Variants in DROSHA observed in about 807,000 individuals in gnomAD.
DROSHA encodes drosha ribonuclease III.
Under a neutral mutation model 181.9 loss-of-function variants are expected in DROSHA, and 56 were observed. The observed-to-expected ratio is 0.31, with a 90% CI of 0.25 to 0.38. The LOEUF is 0.38. Among genes scored for constraint, DROSHA ranks in the 10% least tolerant of loss-of-function variants. The pLI is 1.00. For synonymous variants in DROSHA, 524 were observed against 591.2 expected (o/e 0.89, Z 1.65); for missense variants, 1,218 against 1,743.5 (o/e 0.70, Z 5.37).
intron 16 of DROSHA, among the ~76,000 whole-genome samples, chr5:31,473,261 G>A (rs1165294395): frequency 2.0e-5 from 3 of 152,194 alleles, no homozygotes; most frequent in Non-Finnish European, 4.4e-5. Flanking sequence ...TTTGAGTCTG[G>A]TGCACTAAAC....
chr5:31,511,696 T>TC (rs1738695769), intron 8 of DROSHA, among the ~76,000 whole-genome samples: 1 of 117,830 alleles, frequency 8.5e-6, no homozygotes, highest in East Asian at 2.1e-4. Flanking sequence ...AGAGACCTCA[T>TC]CTAAAAAAAA....
intron 20 of DROSHA, among the ~76,000 whole-genome samples, chr5:31,462,286 CCATT>C (rs1475660264): frequency 6.6e-6 from 1 of 152,122 alleles, no homozygotes; most frequent in Non-Finnish European, 1.5e-5. Context: ...AAAAAGACTT[CCATT>C]CAGAGGACCA....
intron 23 of DROSHA, among the ~76,000 whole-genome samples, chr5:31,447,487 G>A (rs925874696): frequency 1.3e-4 from 20 of 152,090 alleles, no homozygotes; most frequent in Admixed American, 3.9e-4. Flanking sequence ...CCAAAAATTC[G>A]TGTGGAAATG....
At chr5:31,459,395 C>T (rs1748092320) in intron 20 of DROSHA, among the ~76,000 whole-genome samples, 2 of 129,378 alleles carry the variant, frequency 1.5e-5, no homozygotes, top group African/African-American at 3.0e-5. Flanking sequence ...CTGGGCAACA[C>T]AGCAAGACTC....
chr5:31,527,907 T>C (rs781018472), intron 4 of DROSHA, among the ~76,000 whole-genome samples: 3 of 152,246 alleles, frequency 2.0e-5, no homozygotes, highest in Non-Finnish European at 4.4e-5. Flanking sequence ...ATAAGTGACA[T>C]GATCAGTGCC....
At chr5:31,494,944 T>G (rs907778036) in intron 12 of DROSHA, among the ~76,000 whole-genome samples, 95 of 152,204 alleles carry the variant, frequency 6.2e-4, no homozygotes, top group Admixed American at 9.2e-4. Context: ...AAAGTGCTGG[T>G]ATTACAGGCG....
rs1740856399 is a variant in DROSHA at position 31,528,499 on chromosome 5, AG to A, written c.20+540del. ...TTGTCCTCCCTCACCCCCCATCCTTAGCTAAAAATTTACTTTAAAATTGCTG... is the reference window on the plus strand; with the variant it reads ...TTGTCCTCCCTCACCCCCCATCCTTACTAAAAATTTACTTTAAAATTGCTG... On this transcript the variant is annotated intron_variant, in intron 4 of 35. Coordinates refer to ENST00000344624, the MANE Select transcript of DROSHA (RefSeq NM_001382508.1). 2.0e-5 allele frequency among the ~76,000 whole-genome samples: 3 copies of A among 152,276 alleles called. No homozygotes were observed. The South Asian group carries it at 6.2e-4, about 32-fold the overall frequency.
At chr5:31,487,598 T>C (rs547757902) in intron 13 of DROSHA, among the ~76,000 whole-genome samples, 2 of 152,318 alleles carry the variant, frequency 1.3e-5, no homozygotes, top group East Asian at 3.9e-4. Flanking sequence ...GATGATTTTA[T>C]ACAGATGTAA....
At chr5:31,482,521 T>C (rs992068151) in intron 16 of DROSHA, among the ~76,000 whole-genome samples, 1 of 152,072 alleles carries the variant, frequency 6.6e-6, no homozygotes, top group Non-Finnish European at 1.5e-5. Context: ...TTAATGTAGG[T>C]TGGTGGCATG....
At chr5:31,404,377 G>A (rs948740294) in intron 35 of DROSHA, among the ~76,000 whole-genome samples, 22 of 152,118 alleles carry the variant, frequency 1.4e-4, no homozygotes, top group Non-Finnish European at 1.5e-4. Context: ...AAGAATCCAT[G>A]GATGCTGGAC....
At position 31,526,608 on chromosome 5, in the gene DROSHA, G is replaced by A. The variant is rs1286197274; in HGVS notation, c.325C>T (p.His109Tyr). Residue 109 changes from histidine to tyrosine, a missense_variant, in exon 5 of 36, where the codon CAC becomes TAC. Transcript: ENST00000344624. ...AAACAAGGAGGAACTGGGAAGGGGT[G>A]CCTCATCTGGTGGTTGGGGAAAGGC... ...RPPFPNHQMR[H>Y]PFPVPPCFPP... 1 of 1,520,204 alleles carries A rather than the reference G, an allele frequency of 6.6e-7. No individual in the cohort carries two copies. Among genetic ancestry groups the A allele is most frequent in the Non-Finnish European group, 8.8e-7 (1 of 1,136,564 alleles). 94.2% of individuals were successfully genotyped at this position (1,520,204 alleles called of 1,614,324 possible). A position where few individuals can be genotyped will look rare whatever the true frequency, so the allele number is the denominator to read the frequency against.
At chr5:31,522,912 TAA>T (rs1450621616) in intron 5 of DROSHA, among the ~76,000 whole-genome samples, 1 of 152,208 alleles carries the variant, frequency 6.6e-6, no homozygotes, top group African/African-American at 2.4e-5. Context: ...AGACCTTTTC[TAA>T]AAACAGTCCA....
intron 15 of DROSHA, among the ~76,000 whole-genome samples, chr5:31,484,344 G>A (rs969965866): frequency 9.2e-6 from 1 of 108,398 alleles, no homozygotes; most frequent in East Asian, 3.7e-4. Flanking sequence ...ACTGCAGTCC[G>A]CAGTCCGGCC....
intron 20 of DROSHA, 134 bp from the exon 21 acceptor site, chr5:31,451,774 G>T: frequency 1.5e-6 from 1 of 649,812 alleles, no homozygotes; most frequent in Non-Finnish European, 2.7e-6. Flanking sequence ...CTTATTGGCT[G>T]CATGGCATTC....
intron 13 of DROSHA, among the ~76,000 whole-genome samples, chr5:31,492,489 T>C (rs1752535792): frequency 6.6e-6 from 1 of 152,250 alleles, no homozygotes; most frequent in South Asian, 2.1e-4. Context: ...TTGATGTGGA[T>C]ATACAATAGC....
chr5:31,478,451 T>A (rs966221220), intron 16 of DROSHA, among the ~76,000 whole-genome samples: 2 of 152,216 alleles, frequency 1.3e-5, no homozygotes, highest in African/African-American at 4.8e-5. Context: ...ACTAGTAACA[T>A]CCTGGCCAGG....
chr5:31,420,462 C>T (rs373099491), intron 30 of DROSHA, among the ~76,000 whole-genome samples: 6 of 152,100 alleles, frequency 3.9e-5, no homozygotes, highest in East Asian at 1.9e-4. Context: ...AAAAACAGTA[C>T]GCAACAAATA....
At chr5:31,469,218 G>A (rs150244739) in intron 17 of DROSHA, among the ~76,000 whole-genome samples, 12 of 152,092 alleles carry the variant, frequency 7.9e-5, no homozygotes, top group Admixed American at 2.6e-4. Context: ...TTAGCCGGGC[G>A]TGGTGGCGCA....
In DROSHA at chr5:31,431,366, C is replaced by CAAAAAAAAAAAAAAAAAAAAA. The variant is rs58316191; in HGVS notation, c.3145+189_3145+209dup. On this transcript the variant is annotated intron_variant, in intron 26 of 35. Coordinates refer to ENST00000344624, the MANE Select transcript of DROSHA (RefSeq NM_001382508.1). The stretch of plus-strand genomic sequence containing the variant: ...AGACACCAATTCAGGCAGTAGAATG[C>CAAAAAAAAAAAAAAAAAAAAA]AAAAAAAAAAAAAAAAAAAAAAAGA... Among the ~76,000 whole-genome samples the CAAAAAAAAAAAAAAAAAAAAA allele has an allele frequency of 8.7e-5, 5 of 57,664 alleles. 2 individuals carry two copies. The highest frequency in any genetic ancestry group is 1.6e-4 in the Non-Finnish European group (5 of 31,524). 37.8% of individuals were successfully genotyped at this position (57,664 alleles called of 152,430 possible).
Sources: gnomAD v4.1 joint callset for allele counts (sites outside exome capture counted in the v4.1 genomes callset) on GRCh38, gnomAD v4.1.1 for gene constraint, MANE v1.5 for transcripts, NCBI Gene and HGNC (gene_info 2026-07-23, HGNC 2026-07-21) for gene names.